RANBP2: variants seen among roughly 807,000 people sequenced by gnomAD.
The protein encoded by RANBP2 is RAN binding protein 2.
A neutral mutation model predicts 303.6 loss-of-function variants in RANBP2; 57 were observed. The observed-to-expected ratio is 0.19, with a 90% CI of 0.15 to 0.23. The LOEUF (loss-of-function observed/expected upper bound fraction) is 0.23. RANBP2 is among the 10% of genes least tolerant of loss of function. The pLI is 1.00. For synonymous variants in RANBP2, 1,167 were observed against 1,301.5 expected (o/e 0.90, Z 2.23); for missense variants, 3,138 against 3,780.8 (o/e 0.83, Z 4.46).
At chr2:108,899,262 C>G in the RANBP2 span, among the ~76,000 whole-genome samples, 1 of 152,196 alleles carries the variant, frequency 6.6e-6, no homozygotes, top group Non-Finnish European at 1.5e-5. Flanking sequence ...AGAAGTAGCA[C>G]AGTATTTCCA....
the RANBP2 span, among the ~76,000 whole-genome samples, chr2:109,344,830 C>T: frequency 1.3e-5 from 2 of 152,114 alleles, no homozygotes; most frequent in Non-Finnish European, 2.9e-5. Context: ...GCTGGAGGGA[C>T]AGACAGCCTC....
the RANBP2 span, among the ~76,000 whole-genome samples, chr2:109,680,689 C>T: frequency 2.0e-5 from 3 of 152,198 alleles, no homozygotes; most frequent in Non-Finnish European, 4.4e-5. Context: ...CTCACTTTCT[C>T]AGCCACCGGA....
chr2:109,434,861 TAAAAG>T, the RANBP2 span, among the ~76,000 whole-genome samples: 1 of 152,212 alleles, frequency 6.6e-6, no homozygotes, highest in African/African-American at 2.4e-5. Context: ...ATCGAATCAA[TAAAAG>T]AAATCTAGTT....
chr2:109,362,208 A>C, the RANBP2 span, among the ~76,000 whole-genome samples: 2 of 152,080 alleles, frequency 1.3e-5, no homozygotes, highest in Non-Finnish European at 2.9e-5. Flanking sequence ...AGTGCTATAA[A>C]TTTCCCTGTA....
chr2:109,010,048 C>T, the RANBP2 span, among the ~76,000 whole-genome samples: 1 of 152,146 alleles, frequency 6.6e-6, no homozygotes, highest in African/African-American at 2.4e-5. Flanking sequence ...AACAGTTCTT[C>T]TAAGTTTGTA....
chr2:109,488,364 G>A, the RANBP2 span, among the ~76,000 whole-genome samples: 3 of 152,206 alleles, frequency 2.0e-5, no homozygotes, highest in Admixed American at 2.0e-4. Context: ...CTGGAGGCAA[G>A]GTCACCCTCT....
At chr2:108,893,892 C>T in the RANBP2 span, among the ~76,000 whole-genome samples, 1 of 152,192 alleles carries the variant, frequency 6.6e-6, no homozygotes, top group Non-Finnish European at 1.5e-5. Flanking sequence ...TTTACCTCTT[C>T]AAAAACACGC....
chr2:109,406,928 G>A, the RANBP2 span, among the ~76,000 whole-genome samples: 2 of 152,292 alleles, frequency 1.3e-5, no homozygotes, highest in African/African-American at 4.8e-5. Flanking sequence ...CCGTCCCCAG[G>A]TGCCACTTCC....
At chr2:109,696,057 G>A in the RANBP2 span, among the ~76,000 whole-genome samples, 4 of 151,734 alleles carry the variant, frequency 2.6e-5, no homozygotes, top group African/African-American at 7.3e-5. Context: ...TCCACCTCCC[G>A]GGTTCAAGTG....
At chr2:109,027,553 C>T in the RANBP2 span, among the ~76,000 whole-genome samples, 34 of 152,252 alleles carry the variant, frequency 2.2e-4, 1 homozygote, top group South Asian at 5.8e-3. Context: ...TTATGATACC[C>T]TGGGCAGGGC....
At chr2:108,907,829 C>T in the RANBP2 span, 2 of 1,613,048 alleles carry the variant, frequency 1.2e-6, no homozygotes, top group South Asian at 2.2e-5. Context: ...CCACATCTCA[C>T]AGCTCATCAT....
In RANBP2 at chr2:108,723,544, G is replaced by A. The variant is rs531846849; in HGVS notation, c.72+3866G>A. 7.2e-5 allele frequency among the ~76,000 whole-genome samples: 11 copies of A among 152,162 alleles called. No individual in the cohort carries two copies. The East Asian group carries it at 2.1e-3, about 29-fold the overall frequency. On this transcript the variant is annotated intron_variant, in intron 1 of 28. Coordinates refer to ENST00000283195, the MANE Select transcript of RANBP2 (RefSeq NM_006267.5). ...CCCGCCTCAGCCTCCCAAAGTGCCG[G>A]GGTTACAGGCGTGAGCCACCGCGCC...
In RANBP2 at chr2:108,782,258, C is replaced by G; in HGVS notation, c.8891C>G (p.Thr2964Arg). Residue 2964 changes from threonine to arginine, a missense_variant, in exon 27 of 29, where the codon ACA becomes AGA. Physicochemically the swap from Thr to Arg is moderately conservative, Grantham distance 71. This residue lies in a region of RANBP2 where 68 missense variants were observed against 117.4 expected (regional missense o/e 0.58). Transcript: ENST00000283195. ...GGAGATATAAAGATTCTTTGGCATACAATGAAGAATTATTACCGGATCCTA... is the reference window on the plus strand; with the variant it reads ...GGAGATATAAAGATTCTTTGGCATAGAATGAAGAATTATTACCGGATCCTA... ...GVGDIKILWH[T>R]MKNYYRILMR... 6.2e-7 allele frequency: 1 copy of G among 1,614,080 alleles called. No individual in the cohort carries two copies. Among genetic ancestry groups the G allele is most frequent in the Non-Finnish European group, 8.5e-7 (1 of 1,180,000 alleles).
At chr2:109,673,041 CA>C in the RANBP2 span, among the ~76,000 whole-genome samples, 14 of 152,170 alleles carry the variant, frequency 9.2e-5, no homozygotes, top group East Asian at 2.7e-3. Flanking sequence ...CCAACAAATT[CA>C]GAGGAAAATT....
the RANBP2 span, among the ~76,000 whole-genome samples, chr2:109,524,364 C>T: frequency 6.1e-5 from 9 of 147,694 alleles, no homozygotes; most frequent in Non-Finnish European, 1.0e-4. Context: ...GTGTGAAAGC[C>T]GGAGTGAAGC....
At chr2:108,860,198 T>A in the RANBP2 span, among the ~76,000 whole-genome samples, 1 of 152,180 alleles carries the variant, frequency 6.6e-6, no homozygotes, top group South Asian at 2.1e-4. Flanking sequence ...TGAATTTGTA[T>A]CTTCAGACTT....
chr2:109,274,072 A>G, the RANBP2 span, among the ~76,000 whole-genome samples: 1 of 152,174 alleles, frequency 6.6e-6, no homozygotes, highest in African/African-American at 2.4e-5. Context: ...CATTACTGCT[A>G]TTTTATTATC....
chr2:109,347,018 C>T, the RANBP2 span, among the ~76,000 whole-genome samples: 51 of 152,270 alleles, frequency 3.3e-4, no homozygotes, highest in East Asian at 2.7e-3. Flanking sequence ...TCATCATCCT[C>T]GTGTGTGTAC....
chr2:109,380,148 T>C, the RANBP2 span, among the ~76,000 whole-genome samples: 960 of 152,284 alleles, frequency 6.3e-3, 10 homozygotes, highest in East Asian at 0.047. Flanking sequence ...GGGTGTTCAT[T>C]GTAGTTTGGG....
Sources: allele counts gnomAD v4.1 joint callset (sites outside exome capture counted in the v4.1 genomes callset), GRCh38; gene constraint gnomAD v4.1.1; regional missense constraint gnomAD v4.1.1; transcripts MANE v1.5; gene names NCBI Gene and HGNC (gene_info 2026-07-23, HGNC 2026-07-21).